IFNK: variants seen among roughly 807,000 people sequenced by gnomAD.
The protein encoded by IFNK is IFN-kappa.
In IFNK, 13 loss-of-function variants were observed where a neutral mutation model predicts 12.0. The observed-to-expected ratio is 1.08, with a 90% CI of 0.70 to 1.72. IFNK has a LOEUF of 1.72. Ranked by LOEUF, IFNK falls within the 40% of genes most tolerant of loss-of-function variation. The probability of loss-of-function intolerance (pLI) is 0.00; values close to 1 mark genes in which losing one functional copy is unlikely to be tolerated. For synonymous variants in IFNK, 94 were observed against 82.3 expected (o/e 1.14, Z -0.77); for missense variants, 248 against 237.0 (o/e 1.05, Z -0.30).
chr9:27,524,508 G>A lies in IFNK; in HGVS notation c.172G>A (p.Glu58Lys). The A allele has an allele frequency of 6.2e-7, 1 of 1,614,086 alleles. No individual in the cohort carries two copies. Among genetic ancestry groups the A allele is most frequent in the South Asian group, 1.1e-5 (1 of 91,084 alleles). Residue 58 changes from glutamate to lysine, a missense_variant, in exon 1 of 2, where the codon GAA (glutamate) becomes AAA (lysine). Coordinates refer to ENST00000276943, the MANE Select transcript of IFNK (RefSeq NM_020124.3). ...LSSMSNSFPVECLRENIAFEL... is the reference protein window; with the variant it reads ...LSSMSNSFPVKCLRENIAFEL... ...TAGTATGAGCAATTCATTTCCTGTA[G>A]AATGTCTACGAGAAAACATAGCTTT... is the stretch of plus-strand genomic sequence containing the variant.
rs1587279778 is a variant in IFNK, at chr9:27,524,720, C to T, written c.384C>T (p.Cys128=). The change falls in exon 1 of 2, where the codon TGC becomes TGT. Residue 128 remains cysteine, a synonymous_variant. Transcript: ENST00000276943. ...LDQQAEYLNQ[C]LEEDKNENED... ...AGCAAGCAGAGTACCTGAACCAATG[C>T]TTGGAGGAAGACAAGAATGAAAATG... 3 of 1,613,920 alleles carry T rather than the reference C, an allele frequency of 1.9e-6. No individual in the cohort carries two copies. The East Asian group carries it at 6.7e-5, about 36-fold the overall frequency.
Position 27,524,850 on chromosome 9 carries a change from T to A in IFNK, c.514T>A (p.Phe172Ile). ...GAGATATTTCCACAGGATAGACAAT[T>A]TCCTGAAAGAAAAGAAATACAGTGA... ...LRRYFHRIDN[F>I]LKEKKYSDCA... Residue 172 changes from phenylalanine (F) to isoleucine (I), a missense_variant, in exon 1 of 2, where the codon TTC becomes ATC. Coordinates refer to ENST00000276943, the MANE Select transcript of IFNK (RefSeq NM_020124.3). The A allele has an allele frequency of 1.2e-6, 2 of 1,614,004 alleles. No individual in the cohort carries two copies. The highest frequency in any genetic ancestry group is 1.7e-6 in the Non-Finnish European group (2 of 1,179,948).
In IFNK at chr9:27,524,533, T is replaced by G. The variant is rs1820398381; in HGVS notation, c.197T>G (p.Phe66Cys). The G allele has an allele frequency of 6.2e-7, 1 of 1,614,024 alleles. No individual in the cohort carries two copies. The highest frequency in any genetic ancestry group is 1.3e-5 in the African/African-American group (1 of 74,910). The part of the protein sequence containing the change: ...PVECLRENIA[F>C]ELPQEFLQYT... ...GAATGTCTACGAGAAAACATAGCTT[T>G]TGAGTTGCCCCAAGAGTTTCTGCAA... Residue 66 changes from phenylalanine (F) to cysteine (C), a missense_variant, in exon 1 of 2, where the codon TTT becomes TGT. Coordinates refer to ENST00000276943, the MANE Select transcript of IFNK (RefSeq NM_020124.3).
At position 27,524,450 on chromosome 9, in the gene IFNK, A is replaced by C. The variant is rs755598661; in HGVS notation, c.114A>C (p.Arg38Ser). Residue 38 changes from arginine (R) to serine (S), a missense_variant, in exon 1 of 2, where the codon AGA becomes AGC. By Grantham distance (110) the Arg-to-Ser change is moderately radical. Coordinates refer to ENST00000276943, the MANE Select transcript of IFNK (RefSeq NM_020124.3). ...LDCNLLNVHL[R>S]RVTWQNLRHL... Reference sequence around the variant, plus strand: ...GTAACTTACTGAACGTTCACCTGAGAAGAGTCACCTGGCAAAATCTGAGAC... The same window carrying C: ...GTAACTTACTGAACGTTCACCTGAGCAGAGTCACCTGGCAAAATCTGAGAC... The C allele has an allele frequency of 6.2e-7, 1 of 1,614,104 alleles. No individual in the cohort carries two copies. The highest frequency in any genetic ancestry group is 8.5e-7 in the Non-Finnish European group (1 of 1,179,996).
intron 1 of IFNK, 132 bp downstream of exon 1, chr9:27,525,093 C>T: frequency 1.4e-6 from 1 of 715,776 alleles, no homozygotes. Flanking sequence ...CTCGGAACAT[C>T]AGGGACACTC....
rs1244151546 is a variant in IFNK, at chr9:27,526,300, TCAG to T, written c.*299_*301del. Reference sequence around the variant, plus strand: ...TGTGGATCATGGTATATGCAGGCTATCAGCAGAAGGATCAGACAATAAAATGAG... The same window carrying T: ...TGTGGATCATGGTATATGCAGGCTATCAGAAGGATCAGACAATAAAATGAG... On this transcript the variant is annotated 3_prime_UTR_variant, in exon 2 of 2. Transcript: ENST00000276943. The T allele has an allele frequency of 2.8e-4, 42 of 152,332 alleles. 1 individual carries two copies. The highest frequency in any genetic ancestry group is 9.9e-4 in the African/African-American group (41 of 41,570). 9.4% of individuals were successfully genotyped at this position (152,332 alleles called of 1,614,324 possible).
In IFNK at chr9:27,524,617, C is replaced by T. The variant is rs113025728; in HGVS notation, c.281C>T (p.Ala94Val). 1.3e-5 allele frequency: 21 copies of T among 1,614,076 alleles called. No individual in the cohort carries two copies. The highest frequency in any genetic ancestry group is 1.2e-4 in the African/African-American group (9 of 75,034). Residue 94 changes from alanine (A) to valine (V), a missense_variant, in exon 1 of 2, where the codon GCC becomes GTC. By Grantham distance (64) the Ala-to-Val change is moderately conservative. Coordinates refer to ENST00000276943, the MANE Select transcript of IFNK (RefSeq NM_020124.3). Reference protein sequence around the residue: ...KKAFYEMSLQAFNIFSQHTFK... With the variant: ...KKAFYEMSLQVFNIFSQHTFK... ...GCCTTCTATGAAATGTCCCTACAGG[C>T]CTTCAACATCTTCAGCCAACACACC...
intron 1 of IFNK, 137 bp downstream of exon 1, chr9:27,525,098 ACACTCAC>A (rs1820415398): frequency 2.9e-6 from 2 of 700,266 alleles, no homozygotes; most frequent in Admixed American, 3.1e-5. Flanking sequence ...AACATCAGGG[ACACTCAC>A]CTCTCTAAGG....
Position 27,524,333 on chromosome 9 carries a change from A to C in IFNK, c.-4A>C. 1 of 1,603,852 alleles carries C rather than the reference A, an allele frequency of 6.2e-7. No individual in the cohort carries two copies. The highest frequency in any genetic ancestry group is 1.1e-5 in the South Asian group (1 of 89,524). On this transcript the variant is annotated 5_prime_UTR_variant, in exon 1 of 2. Coordinates refer to ENST00000276943, the MANE Select transcript of IFNK (RefSeq NM_020124.3). The stretch of plus-strand genomic sequence containing the variant: ...TCTTCTGGATTTTTTAGCTTGCAAA[A>C]AAAATGAGCACCAAACCTGATATGA...
chr9:27,524,982 T>G, intron 1 of IFNK, 21 bp downstream of exon 1: 2 of 1,534,450 alleles, frequency 1.3e-6, no homozygotes, highest in Non-Finnish European at 1.7e-6. Context: ...GGAATTAAAA[T>G]TCCTTTTCCC....
chr9:27,524,409 A>C lies in IFNK; in HGVS notation c.73A>C (p.Thr25Pro), dbSNP rs539855938. 1 of 1,614,086 alleles carries C rather than the reference A, an allele frequency of 6.2e-7. No homozygotes were observed. Among genetic ancestry groups the C allele is most frequent in the South Asian group, 1.1e-5 (1 of 91,080 alleles). Residue 25 changes from threonine (T) to proline (P), a missense_variant, in exon 1 of 2, where the codon ACC (threonine) becomes CCC (proline). Transcript: ENST00000276943. ...CCTTATGGGTATATTCATTGCTGGC[A>C]CCCTATCCCTGGACTGTAACTTACT... ...EILMGIFIAG[T>P]LSLDCNLLNV...
chr9:27,524,617 C>G lies in IFNK; in HGVS notation c.281C>G (p.Ala94Gly), dbSNP rs113025728. 1.2e-6 allele frequency: 2 copies of G among 1,614,076 alleles called. No individual in the cohort carries two copies. Among genetic ancestry groups the G allele is most frequent in the East Asian group, 4.5e-5 (2 of 44,872 alleles). ...GCCTTCTATGAAATGTCCCTACAGG[C>G]CTTCAACATCTTCAGCCAACACACC... ...KKAFYEMSLQAFNIFSQHTFK... is the reference protein window; with the variant it reads ...KKAFYEMSLQGFNIFSQHTFK... The change falls in exon 1 of 2, where the codon GCC becomes GGC. Residue 94 changes from alanine (A) to glycine (G), a missense_variant. By Grantham distance (60) the Ala-to-Gly change is moderately conservative. Coordinates refer to ENST00000276943, the MANE Select transcript of IFNK (RefSeq NM_020124.3).
chr9:27,524,290 A>T lies in IFNK; in HGVS notation c.-47A>T, dbSNP rs1820391512. 6.4e-7 allele frequency: 1 copy of T among 1,561,852 alleles called. No homozygotes were observed. The highest frequency in any genetic ancestry group is 8.7e-7 in the Non-Finnish European group (1 of 1,155,276). ...AGGCACATGAAGGAAAACTCAAAACATCATTGTCATATACACATCTTCTGG... is the reference window on the plus strand; with the variant it reads ...AGGCACATGAAGGAAAACTCAAAACTTCATTGTCATATACACATCTTCTGG... On this transcript the variant is annotated 5_prime_UTR_variant, in exon 1 of 2. Transcript: ENST00000276943.
chr9:27,524,421 G>A lies in IFNK; in HGVS notation c.85G>A (p.Asp29Asn). 1 of 1,614,084 alleles carries A rather than the reference G, an allele frequency of 6.2e-7. No individual in the cohort carries two copies. ...GIFIAGTLSL[D>N]CNLLNVHLRR... ...ATTCATTGCTGGCACCCTATCCCTG[G>A]ACTGTAACTTACTGAACGTTCACCT... The change falls in exon 1 of 2, where the codon GAC (aspartate) becomes AAC (asparagine). Residue 29 changes from aspartate (D) to asparagine (N), a missense_variant. Physicochemically the swap from Asp to Asn is conservative, Grantham distance 23. Coordinates refer to ENST00000276943, the MANE Select transcript of IFNK (RefSeq NM_020124.3).
At position 27,524,407 on chromosome 9, in the gene IFNK, G is replaced by T; in HGVS notation, c.71G>T (p.Gly24Val). Residue 24 changes from glycine (G) to valine (V), a missense_variant, in exon 1 of 2, where the codon GGC becomes GTC. Physicochemically the swap from Gly to Val is moderately radical, Grantham distance 109. Transcript: ENST00000276943. ...ATCCTTATGGGTATATTCATTGCTG[G>T]CACCCTATCCCTGGACTGTAACTTA... ...LEILMGIFIAGTLSLDCNLLN... is the reference protein window; with the variant it reads ...LEILMGIFIAVTLSLDCNLLN... 6.2e-7 allele frequency: 1 copy of T among 1,613,990 alleles called. No homozygotes were observed. Among genetic ancestry groups the T allele is most frequent in the Non-Finnish European group, 8.5e-7 (1 of 1,179,960 alleles).
intron 1 of IFNK, among the ~76,000 whole-genome samples, chr9:27,525,269 C>T (rs1164546552): frequency 6.6e-6 from 1 of 152,168 alleles, no homozygotes; most frequent in African/African-American, 2.4e-5. Context: ...TATATACCAC[C>T]TGTGGACTTC....
In IFNK at chr9:27,524,966, A is replaced by T; in HGVS notation, c.*1+5A>T. The T allele has an allele frequency of 1.9e-6, 3 of 1,555,064 alleles. No individual in the cohort carries two copies. The highest frequency in any genetic ancestry group is 2.6e-6 in the Non-Finnish European group (3 of 1,156,834). On this transcript the variant is annotated splice_donor_5th_base_variant and intron_variant, in intron 1 of 1. Transcript: ENST00000276943. ...CTCTATTCAGGAGGAAATAAGGTAT[A>T]TTTTTGGAATTAAAATTCCTTTTCC... is the stretch of plus-strand genomic sequence containing the variant.
At position 27,526,150 on chromosome 9, in the gene IFNK, G is replaced by A. The variant is rs959284416; in HGVS notation, c.*145G>A. 4.7e-4 allele frequency: 71 copies of A among 152,314 alleles called. No homozygotes were observed. The highest frequency in any genetic ancestry group is 1.6e-3 in the African/African-American group (67 of 41,572). The allele number at this position is 152,314 out of a possible 1,614,324, so 9.4% of individuals were successfully genotyped here. Reference sequence around the variant, plus strand: ...GCCACTAACAGCATGCTGCCAAACTGTTCAGATTCAAGATTATTCCAAGCG... The same window carrying A: ...GCCACTAACAGCATGCTGCCAAACTATTCAGATTCAAGATTATTCCAAGCG... On this transcript the variant is annotated 3_prime_UTR_variant, in exon 2 of 2. Transcript: ENST00000276943.
At position 27,526,341 on chromosome 9, in the gene IFNK, A is replaced by G. The variant is rs1049978709; in HGVS notation, c.*336A>G. 6.6e-6 allele frequency: 1 copy of G among 152,242 alleles called. No individual in the cohort carries two copies. Among genetic ancestry groups the G allele is most frequent in the African/African-American group, 2.4e-5 (1 of 41,470 alleles). The allele number at this position is 152,242 out of a possible 1,614,324, so 9.4% of individuals were successfully genotyped here. A position where few individuals can be genotyped will look rare whatever the true frequency, so the allele number is the denominator to read the frequency against. ...ACAATAAAATGAGTTAGTGCAAACC[A>G]TTTAGTAAAAATAACTATCAGCAGA... On this transcript the variant is annotated 3_prime_UTR_variant, in exon 2 of 2. Transcript: ENST00000276943.
Sources: gnomAD v4.1 joint callset for allele counts (sites outside exome capture counted in the v4.1 genomes callset) on GRCh38, gnomAD v4.1.1 for gene constraint, MANE v1.5 for transcripts, NCBI Gene and HGNC (gene_info 2026-07-23, HGNC 2026-07-21) for gene names.